DCDC2: variants seen among roughly 807,000 people sequenced by gnomAD.
The protein encoded by DCDC2 is doublecortin domain-containing protein 2.
A neutral mutation model predicts 50.2 loss-of-function variants in DCDC2; 40 were observed. The ratio of observed to expected loss-of-function variants is 0.80; its 90% CI spans 0.62 to 1.04. The LOEUF is 1.04. DCDC2 is among the 50% of genes least tolerant of loss of function. The pLI, the probability that DCDC2 is intolerant of heterozygous loss-of-function variation, is 0.00. For missense variants in DCDC2, 570 were observed against 581.9 expected (o/e 0.98, Z 0.21); for synonymous variants, 234 against 210.6 (o/e 1.11, Z -0.96).
chr6:24,185,845 A>G (rs1761192618), intron 8 of DCDC2, among the ~76,000 whole-genome samples: 1 of 152,304 alleles, frequency 6.6e-6, no homozygotes, highest in South Asian at 2.1e-4. Flanking sequence ...AGGAGGAACA[A>G]GTTGCACCCT....
chr6:24,190,899 T>C (rs911872208), intron 8 of DCDC2, among the ~76,000 whole-genome samples: 1 of 152,176 alleles, frequency 6.6e-6, no homozygotes, highest in Non-Finnish European at 1.5e-5. Context: ...CCTCAGAATA[T>C]GTTGCCATTT....
rs746014160 is a variant in DCDC2 at position 24,231,763 on chromosome 6, G to A, written c.923-26661C>T. 2.6e-4 allele frequency among the ~76,000 whole-genome samples: 39 copies of A among 151,770 alleles called. 1 individual carries two copies. The highest frequency in any genetic ancestry group is 2.5e-4 in the Non-Finnish European group (17 of 67,968). ...AAGGTTGTTCTCAGGATGCTGTGCA[G>A]AGACACGATGTGATGGAACTATTCC... On this transcript the variant is annotated intron_variant, in intron 7 of 9. Transcript: ENST00000378454.
chr6:24,188,190 C>G (rs1050767186), intron 8 of DCDC2, among the ~76,000 whole-genome samples: 1 of 152,176 alleles, frequency 6.6e-6, no homozygotes, highest in Admixed American at 6.5e-5. Flanking sequence ...TCCTGTGATG[C>G]TGACAATGCT....
chr6:24,236,646 T>G (rs1762444911), intron 7 of DCDC2, among the ~76,000 whole-genome samples: 1 of 151,726 alleles, frequency 6.6e-6, no homozygotes, highest in Non-Finnish European at 1.5e-5. Flanking sequence ...TGCATCCAAA[T>G]GAAAGCCTAA....
At position 24,220,050 on chromosome 6, in the gene DCDC2, A is replaced by G. The variant is rs565306443; in HGVS notation, c.923-14948T>C. 4.6e-5 allele frequency among the ~76,000 whole-genome samples: 7 copies of G among 152,368 alleles called. No individual in the cohort carries two copies. The East Asian group carries it at 5.8e-4, about 13-fold the overall frequency. On this transcript the variant is annotated intron_variant, in intron 7 of 9. Transcript: ENST00000378454. ...ACACTGAAAATGACAAAAGAGAAGG[A>G]AAGTGAAATATAAGGCTACCCATCG... is the stretch of plus-strand genomic sequence containing the variant.
At chr6:24,211,841 G>A (rs1216676079) in intron 7 of DCDC2, among the ~76,000 whole-genome samples, 4 of 152,314 alleles carry the variant, frequency 2.6e-5, no homozygotes, top group Non-Finnish European at 4.4e-5. Context: ...TAATAAATCT[G>A]TGTTGTTTTA....
At chr6:24,308,591 G>A (rs1228762376) in intron 2 of DCDC2, among the ~76,000 whole-genome samples, 3 of 152,066 alleles carry the variant, frequency 2.0e-5, no homozygotes, top group Non-Finnish European at 4.4e-5. Flanking sequence ...GTTATCAAGA[G>A]AAATAAAGTC....
At chr6:24,291,224 T>C (rs1763737186) in intron 4 of DCDC2, 146 bp from the exon 5 acceptor site, 4 of 779,578 alleles carry the variant, frequency 5.1e-6, no homozygotes, top group Non-Finnish European at 6.1e-6. Context: ...CATTTGTTAC[T>C]ATCCTCATTA....
Position 24,201,598 on chromosome 6 carries a change from G to A in DCDC2, c.1023+3404C>T, listed in dbSNP as rs145784642. Reference sequence around the variant, plus strand: ...TAACATCACAATTAAAAGAACTAGAGAAGCAAGAGCAAACAGATTCAAAAG... The same window carrying A: ...TAACATCACAATTAAAAGAACTAGAAAAGCAAGAGCAAACAGATTCAAAAG... On this transcript the variant is annotated intron_variant, in intron 8 of 9. Coordinates refer to ENST00000378454, the MANE Select transcript of DCDC2 (RefSeq NM_016356.5). 2.5e-3 allele frequency among the ~76,000 whole-genome samples: 375 copies of A among 152,108 alleles called. 10 individuals are homozygous for A. In the East Asian group the frequency reaches 0.033, roughly 13 times the overall value.
chr6:24,256,950 T>C (rs946304028), intron 7 of DCDC2, among the ~76,000 whole-genome samples: 3 of 152,206 alleles, frequency 2.0e-5, no homozygotes, highest in African/African-American at 4.8e-5. Flanking sequence ...GACTTTTTAA[T>C]AAAATTATAA....
upstream of DCDC2, chr6:24,358,109 G>A (rs540018149): frequency 5.8e-4 from 352 of 606,580 alleles, 4 homozygotes; most frequent in East Asian, 0.01. Context: ...CGCCTAGTGA[G>A]GGCAGGAGAG....
chr6:24,247,259 A>G (rs982628567), intron 7 of DCDC2, among the ~76,000 whole-genome samples: 3 of 152,116 alleles, frequency 2.0e-5, no homozygotes, highest in African/African-American at 4.8e-5. Context: ...AGCTATGATC[A>G]TGCTACTGCA....
intron 2 of DCDC2, among the ~76,000 whole-genome samples, chr6:24,343,210 G>T (rs931877109): frequency 2.8e-4 from 43 of 152,012 alleles, no homozygotes; most frequent in African/African-American, 9.4e-4. Flanking sequence ...ACCATGCCCA[G>T]CTAATTTTTT....
chr6:24,346,753 C>CAAAA (rs11385934), intron 2 of DCDC2, among the ~76,000 whole-genome samples: 1 of 119,178 alleles, frequency 8.4e-6, no homozygotes, highest in Non-Finnish European at 1.8e-5. Context: ...GACTCCATCT[C>CAAAA]AAAAAAAAAA....
intron 4 of DCDC2, among the ~76,000 whole-genome samples, chr6:24,293,277 G>T: frequency 6.6e-6 from 1 of 152,126 alleles, no homozygotes; most frequent in African/African-American, 2.4e-5. Flanking sequence ...TTATATAACT[G>T]TTGTTGCTCT....
chr6:24,303,547 C>T (rs1265800275), intron 2 of DCDC2, among the ~76,000 whole-genome samples: 10 of 152,138 alleles, frequency 6.6e-5, no homozygotes, highest in African/African-American at 2.4e-4. Context: ...ATTCTTCTTG[C>T]GCTTTCTGTC....
chr6:24,306,494 TTAGATAGATAGATAGA>T (rs28987368), intron 2 of DCDC2, among the ~76,000 whole-genome samples: 218 of 129,462 alleles, frequency 1.7e-3, no homozygotes, highest in African/African-American at 4.8e-3. Flanking sequence ...TGAGTGGAGA[TTAGATAGATAGATAGA>T]TAGATAGATA....
chr6:24,275,866 A>ATTTTTTTT (rs10685261), intron 7 of DCDC2, among the ~76,000 whole-genome samples: 10 of 108,110 alleles, frequency 9.2e-5, no homozygotes, highest in African/African-American at 2.0e-4. Flanking sequence ...CAATAATTCA[A>ATTTTTTTT]TTTTTTTTTT....
At position 24,271,112 on chromosome 6, in the gene DCDC2, G is replaced by A. The variant is rs1024301210; in HGVS notation, c.922+6937C>T. Among the ~76,000 whole-genome samples, 6 of 142,864 alleles carry A rather than the reference G, an allele frequency of 4.2e-5. No homozygotes were observed. The East Asian group carries it at 9.0e-4, about 21-fold the overall frequency. The allele number at this position is 142,864 out of a possible 152,430, so 93.7% of individuals were successfully genotyped here. On this transcript the variant is annotated intron_variant, in intron 7 of 9. Coordinates refer to ENST00000378454, the MANE Select transcript of DCDC2 (RefSeq NM_016356.5). ...GGCACCTGCCTGTAGTCCCAGCTAC[G>A]TGGGAGGATCACTTGAGCCCAGGAG...
Sources: gnomAD v4.1 joint callset for allele counts (sites outside exome capture counted in the v4.1 genomes callset) on GRCh38, gnomAD v4.1.1 for gene constraint, MANE v1.5 for transcripts, NCBI Gene and HGNC (gene_info 2026-07-23, HGNC 2026-07-21) for gene names.